RCL1: variants seen among roughly 807,000 people sequenced by gnomAD.
RCL1 encodes RNA 3'-terminal phosphate cyclase-like protein.
RCL1 carries 24 observed loss-of-function variants against 42.4 expected under a neutral mutation model. That is an observed-to-expected ratio of 0.57 (90% CI 0.41 to 0.80). The LOEUF is 0.80. RCL1 is among the 30% of genes least tolerant of loss of function. The pLI is 0.00. For synonymous variants in RCL1, 228 were observed against 177.3 expected, an observed-to-expected ratio of 1.29 and a Z score of -2.27; for missense variants, 578 against 467.9, an observed-to-expected ratio of 1.24 and a Z score of -2.17.
At chr9:4,817,912 A>T (rs1414921312) in intron 1 of RCL1, among the ~76,000 whole-genome samples, 25 of 78,360 alleles carry the variant, frequency 3.2e-4, no homozygotes, top group South Asian at 9.1e-4. Context: ...CTTTTCTAAG[A>T]TTTTTTTTTT....
intron 3 of RCL1, chr9:4,827,393 C>T: frequency 7.5e-6 from 5 of 670,620 alleles, no homozygotes; most frequent in South Asian, 2.2e-5. Context: ...GGGCAGCTGA[C>T]CAAAATTTTG....
At chr9:4,795,033 G>T (rs1037409934) in intron 1 of RCL1, among the ~76,000 whole-genome samples, 4 of 152,070 alleles carry the variant, frequency 2.6e-5, no homozygotes, top group South Asian at 2.1e-4. Flanking sequence ...ACATCCTTGC[G>T]CTGGCTTCAG....
chr9:4,832,938 T>C (rs1276392583), intron 3 of RCL1, among the ~76,000 whole-genome samples: 1 of 151,920 alleles, frequency 6.6e-6, no homozygotes, highest in East Asian at 1.9e-4. Flanking sequence ...CTCCATGTCA[T>C]GAATGAGGAA....
intron 1 of RCL1, among the ~76,000 whole-genome samples, chr9:4,821,395 C>G (rs1816591703): frequency 6.6e-6 from 1 of 152,184 alleles, no homozygotes; most frequent in Non-Finnish European, 1.5e-5. Context: ...CTAGGGCAAT[C>G]TAGTTGGCAT....
At chr9:4,849,641 G>C (rs1191716181) in intron 8 of RCL1, 91 bp downstream of exon 8, 12 of 897,162 alleles carry the variant, frequency 1.3e-5, no homozygotes, top group African/African-American at 1.6e-5. Context: ...CACAGAGCCT[G>C]CACTATGAAC....
intron 5 of RCL1, 142 bp from the exon 6 acceptor site, chr9:4,841,090 A>C (rs562772642): frequency 2.4e-6 from 2 of 825,744 alleles, no homozygotes; most frequent in South Asian, 3.5e-5. Context: ...TATGGTACTA[A>C]TTCAGTAAAT....
chr9:4,821,045 G>C (rs375492771), intron 1 of RCL1, among the ~76,000 whole-genome samples: 1 of 152,066 alleles, frequency 6.6e-6, no homozygotes, highest in African/African-American at 2.4e-5. Flanking sequence ...ATAGTTGAAG[G>C]TACCATGATT....
chr9:4,805,956 G>T (rs952573737), intron 1 of RCL1, among the ~76,000 whole-genome samples: 1 of 151,604 alleles, frequency 6.6e-6, no homozygotes, highest in African/African-American at 2.4e-5. Flanking sequence ...ATTGTAAATG[G>T]TGTATCATAT....
chr9:4,801,926 T>C (rs1418605193), intron 1 of RCL1, among the ~76,000 whole-genome samples: 3 of 152,022 alleles, frequency 2.0e-5, no homozygotes, highest in Non-Finnish European at 4.4e-5. Flanking sequence ...TTTTCTTTTT[T>C]TTTGAGACGG....
At chr9:4,816,936 C>T (rs1254119784) in intron 1 of RCL1, among the ~76,000 whole-genome samples, 1 of 152,174 alleles carries the variant, frequency 6.6e-6, no homozygotes, top group African/African-American at 2.4e-5. Context: ...CCTGCCTCAG[C>T]CTCCCAGGTA....
intron 1 of RCL1, among the ~76,000 whole-genome samples, chr9:4,821,901 C>T (rs370213281): frequency 1.3e-5 from 2 of 152,324 alleles, no homozygotes; most frequent in East Asian, 1.9e-4. Flanking sequence ...TTAGTGGTCC[C>T]ATCTCTTAAT....
At chr9:4,816,618 C>T (rs1211477716) in intron 1 of RCL1, among the ~76,000 whole-genome samples, 1 of 152,040 alleles carries the variant, frequency 6.6e-6, no homozygotes, top group Non-Finnish European at 1.5e-5. Flanking sequence ...TTTTGGGATG[C>T]ATCTTTCTTA....
chr9:4,844,399 C>A, intron 6 of RCL1, 126 bp from the exon 7 acceptor site: 1 of 677,828 alleles, frequency 1.5e-6, no homozygotes, highest in Non-Finnish European at 2.5e-6. Context: ...GAGGTTAATG[C>A]AGCCAGAAAG....
chr9:4,797,997 G>A (rs1203913018), intron 1 of RCL1, among the ~76,000 whole-genome samples: 1 of 152,194 alleles, frequency 6.6e-6, no homozygotes, highest in Non-Finnish European at 1.5e-5. Context: ...TTTCATTGAA[G>A]AGGAAGTAAA....
rs7023960 is a variant in RCL1, at chr9:4,846,695, C to T, written c.867+2014C>T. Among the ~76,000 whole-genome samples the T allele has an allele frequency of 1.2e-3, 182 of 152,192 alleles. 2 individuals carry two copies. Among genetic ancestry groups the T allele is most frequent in the African/African-American group, 4.1e-3 (169 of 41,522 alleles). ...GTGGCCTTCTCTCTAACTATGGGGA[C>T]ACTTCCATGTCTTTCTAATAGACCT... On this transcript the variant is annotated intron_variant, in intron 7 of 8. Transcript: ENST00000381750.
chr9:4,852,501 G>A (rs1249897594), intron 8 of RCL1, among the ~76,000 whole-genome samples: 2 of 152,184 alleles, frequency 1.3e-5, no homozygotes, highest in African/African-American at 4.8e-5. Flanking sequence ...CACAAGTCTT[G>A]GAGTCCAGCC....
At chr9:4,811,685 G>A (rs1032190868) in intron 1 of RCL1, among the ~76,000 whole-genome samples, 2 of 152,112 alleles carry the variant, frequency 1.3e-5, no homozygotes, top group African/African-American at 4.8e-5. Flanking sequence ...ATATCTCATT[G>A]ACATTGATTT....
chr9:4,839,122 A>G (rs887159240), intron 5 of RCL1, among the ~76,000 whole-genome samples: 1 of 152,220 alleles, frequency 6.6e-6, no homozygotes, highest in African/African-American at 2.4e-5. Flanking sequence ...GCTGTTAGCC[A>G]TTCCTTAGTA....
In RCL1 at chr9:4,841,232, G is replaced by A. The variant is rs1170606773; in HGVS notation, c.585G>A (p.Ala195=). The A allele has an allele frequency of 6.2e-7, 1 of 1,613,934 alleles. No individual in the cohort carries two copies. Among genetic ancestry groups the A allele is most frequent in the African/African-American group, 1.3e-5 (1 of 74,970 alleles). Residue 195 remains alanine, a splice_region_variant and synonymous_variant, in exon 6 of 9, where the codon GCG becomes GCA. Transcript: ENST00000381750. ...TGACATCCTTAACTCCAGGCTGCAGGTACTCTGTACGTGTGTCACCTCAGA... is the reference window on the plus strand; with the variant it reads ...TGACATCCTTAACTCCAGGCTGCAGATACTCTGTACGTGTGTCACCTCAGA... The part of the protein sequence containing the change: ...PGKIKRIRGM[A]YSVRVSPQMA...
Sources: gnomAD v4.1 joint callset for allele counts (sites outside exome capture counted in the v4.1 genomes callset) on GRCh38, gnomAD v4.1.1 for gene constraint, MANE v1.5 for transcripts, NCBI Gene and HGNC (gene_info 2026-07-23, HGNC 2026-07-21) for gene names.